MORC2: variants seen among roughly 807,000 people sequenced by gnomAD.
MORC2 encodes ATPase MORC2.
A neutral mutation model predicts 136.0 loss-of-function variants in MORC2; 30 were observed. That is an observed-to-expected ratio of 0.22 (90% CI 0.17 to 0.30). The LOEUF is 0.30. Ranked by LOEUF, MORC2 falls within the 10% of genes least tolerant of loss-of-function variation. The probability of loss-of-function intolerance (pLI) is 1.00; values close to 1 mark genes in which losing one functional copy is unlikely to be tolerated. For synonymous variants in MORC2, 439 were observed against 487.0 expected (o/e 0.90, Z 1.30); for missense variants, 922 against 1,333.1 (o/e 0.69, Z 4.80).
chr22:30,950,336 C>CGCT, intron 4 of MORC2, 41 bp downstream of exon 4: 1 of 764,014 alleles, frequency 1.3e-6, no homozygotes, highest in Non-Finnish European at 2.4e-6. Context: ...ATGGTTACAT[C>CGCT]GCACCCCCCC....
At chr22:30,936,908 C>A in intron 16 of MORC2, 24 bp downstream of exon 16, 1 of 1,596,246 alleles carries the variant, frequency 6.3e-7, no homozygotes, top group South Asian at 1.1e-5. Context: ...TACCCACAAT[C>A]CCCTTGTTAG....
At chr22:30,936,399 G>A in intron 17 of MORC2, 112 bp downstream of exon 17, 1 of 1,450,690 alleles carries the variant, frequency 6.9e-7, no homozygotes, top group Non-Finnish European at 9.3e-7. Context: ...AACAACGCGG[G>A]TGAGTGGAGG....
At chr22:30,958,563 G>A (rs1395039688) in intron 2 of MORC2, 78 bp downstream of exon 2, 2 of 1,170,574 alleles carry the variant, frequency 1.7e-6, no homozygotes, top group East Asian at 2.6e-5. Flanking sequence ...TTCCTCTCAA[G>A]TCTTCAGAGA....
chr22:30,937,045 G>T lies in MORC2; in HGVS notation c.1499-8C>A, dbSNP rs763292696. 1.2e-6 allele frequency: 2 copies of T among 1,606,064 alleles called. No individual in the cohort carries two copies. Among genetic ancestry groups the T allele is most frequent in the South Asian group, 2.2e-5 (2 of 90,810 alleles). On this transcript the variant is annotated splice_polypyrimidine_tract_variant and splice_region_variant and intron_variant, in intron 15 of 25. Coordinates refer to ENST00000397641, the MANE Select transcript of MORC2 (RefSeq NM_001303256.3). The surrounding 1 kb of genome is among the most constrained non-coding windows in gnomAD (Gnocchi z 4.7). ...TCCATTTCAGACACAAATCTGCAGAGAGCAAAAAAACCCCACATATCAGCC... is the reference window on the plus strand; with the variant it reads ...TCCATTTCAGACACAAATCTGCAGATAGCAAAAAAACCCCACATATCAGCC...
At chr22:30,931,673 C>T (rs2040577698) in intron 24 of MORC2, among the ~76,000 whole-genome samples, 1 of 152,224 alleles carries the variant, frequency 6.6e-6, no homozygotes, top group South Asian at 2.1e-4. Flanking sequence ...TGGCAAAATG[C>T]ACATTTTCTT....
intron 4 of MORC2, 39 bp from the exon 5 acceptor site, chr22:30,949,881 T>C (rs1415111617): frequency 1.6e-5 from 25 of 1,595,870 alleles, no homozygotes; most frequent in Non-Finnish European, 2.1e-5. Context: ...AAAGTTTGCA[T>C]TTCTTTCCCA....
chr22:30,937,006 G>A lies in MORC2; in HGVS notation c.1530C>T (p.Phe510=). ...AATCTTTTTCCACAGAACTCAGCTG[G>A]AAGGGGAGGGTTCTCCATTTCAGAC... ...DLCLKWRTLP[F]QLSSVEKDYP... is the part of the protein sequence containing the mutation. The change falls in exon 16 of 26, where the codon TTC becomes TTT. Residue 510 remains phenylalanine (F), a synonymous_variant. Coordinates refer to ENST00000397641, the MANE Select transcript of MORC2 (RefSeq NM_001303256.3). This position sits in a 1 kb window ranked among gnomAD's most constrained non-coding sequence, Gnocchi z 4.7. The A allele has an allele frequency of 6.2e-7, 1 of 1,614,092 alleles. No individual in the cohort carries two copies. Among genetic ancestry groups the A allele is most frequent in the South Asian group, 1.1e-5 (1 of 91,074 alleles).
chr22:30,953,826 T>C (rs2040926682), intron 3 of MORC2, among the ~76,000 whole-genome samples: 1 of 152,206 alleles, frequency 6.6e-6, no homozygotes, highest in Non-Finnish European at 1.5e-5. Context: ...CTCTACACTT[T>C]GAGAGGCTGG....
At chr22:30,935,367 T>C in intron 17 of MORC2, 45 bp from the exon 18 acceptor site, 6 of 1,579,858 alleles carry the variant, frequency 3.8e-6, no homozygotes, top group Non-Finnish European at 5.2e-6. Flanking sequence ...TATTTTAGTA[T>C]ACTTGAGCAA....
intron 3 of MORC2, among the ~76,000 whole-genome samples, chr22:30,956,405 C>A (rs1354965845): frequency 6.6e-6 from 1 of 152,238 alleles, no homozygotes; most frequent in African/African-American, 2.4e-5. Flanking sequence ...CCAACAAGAT[C>A]TCTCCTTGGC....
rs771231575 is a variant in MORC2, at chr22:30,939,972, G to T, written c.974C>A (p.Thr325Lys). The change falls in exon 11 of 26, where the codon ACG becomes AAG. Residue 325 changes from threonine (T) to lysine (K), a missense_variant. Thr to Lys is a moderately conservative substitution (Grantham distance 78, BLOSUM62 -1). This residue lies in a region of MORC2 where 261 missense variants were observed against 354.3 expected (regional missense o/e 0.74). Transcript: ENST00000397641. ...CCGGGACCTTACCCTGGAGTCCCGC[G>T]TGAGGTCTCCACCTAGGCGTACTTC... Reference protein sequence around the residue: ...TLEVRLGGDLTRDSRVMLRQV... With the variant: ...TLEVRLGGDLKRDSRVMLRQV... 1 of 1,613,874 alleles carries T rather than the reference G, an allele frequency of 6.2e-7. No individual in the cohort carries two copies. The highest frequency in any genetic ancestry group is 8.5e-7 in the Non-Finnish European group (1 of 1,180,000).
chr22:30,967,920 G>T lies in MORC2; in HGVS notation c.-31C>A, dbSNP rs762374457. ...CAATAAGGTCTCCAGCCCTTCACCC[G>T]CTAACTGGGAAATATAACCTTATAA... On this transcript the variant is annotated 5_prime_UTR_variant, in exon 1 of 26. Coordinates refer to ENST00000397641, the MANE Select transcript of MORC2 (RefSeq NM_001303256.3). 1.4e-6 allele frequency: 2 copies of T among 1,465,678 alleles called. No individual in the cohort carries two copies. The highest frequency in any genetic ancestry group is 1.4e-5 in the African/African-American group (1 of 71,166). 90.8% of individuals were successfully genotyped at this position (1,465,678 alleles called of 1,614,324 possible).
intron 1 of MORC2, among the ~76,000 whole-genome samples, chr22:30,966,180 C>T (rs2041125865): frequency 6.6e-6 from 1 of 152,202 alleles, no homozygotes; most frequent in Non-Finnish European, 1.5e-5. Context: ...GAAGCTGGAA[C>T]AAGAACTGAA....
In MORC2 at chr22:30,941,655, G is replaced by A; in HGVS notation, c.699-97C>T. 1 of 1,487,036 alleles carries A rather than the reference G, an allele frequency of 6.7e-7. No individual in the cohort carries two copies. The highest frequency in any genetic ancestry group is 9.1e-7 in the Non-Finnish European group (1 of 1,099,934). The allele number at this position is 1,487,036 out of a possible 1,614,324, so 92.1% of individuals were successfully genotyped here. Reference sequence around the variant, plus strand: ...CTCTGCAGGCTCTCCACCTTTCCATGTTAGGTACTGACTTCTGCTGCTGCC... The same window carrying A: ...CTCTGCAGGCTCTCCACCTTTCCATATTAGGTACTGACTTCTGCTGCTGCC... On this transcript the variant is annotated intron_variant, in intron 8 of 25. Transcript: ENST00000397641. The surrounding 1 kb of genome is among the most constrained non-coding windows in gnomAD (Gnocchi z 4.6).
At chr22:30,950,699 A>G (rs2040874847) in intron 3 of MORC2, among the ~76,000 whole-genome samples, 1 of 152,162 alleles carries the variant, frequency 6.6e-6, no homozygotes, top group Non-Finnish European at 1.5e-5. Context: ...CCAGCATCTA[A>G]TCATACCCAC....
intron 3 of MORC2, 100 bp downstream of exon 3, chr22:30,956,663 A>C: frequency 1.0e-6 from 1 of 986,694 alleles, no homozygotes; most frequent in Non-Finnish European, 1.5e-6. Context: ...CCATCTTCCC[A>C]GGCTCCCGAA....
At chr22:30,962,325 AG>A (rs1248348485) in intron 1 of MORC2, among the ~76,000 whole-genome samples, 1 of 152,088 alleles carries the variant, frequency 6.6e-6, no homozygotes, top group Non-Finnish European at 1.5e-5. Flanking sequence ...CACTTTGGGA[AG>A]CCCAGGCCAG....
chr22:30,967,519 G>A (rs1602521794), intron 1 of MORC2: 1 of 1,184,166 alleles, frequency 8.4e-7, no homozygotes, highest in Non-Finnish European at 1.1e-6. Flanking sequence ...CAATAGAGCA[G>A]TATTTGTTGG....
rs1346538285 is a variant in MORC2 at position 30,941,884 on chromosome 22, C to T, written c.698+7G>A. On this transcript the variant is annotated splice_region_variant and intron_variant, in intron 8 of 25. Coordinates refer to ENST00000397641, the MANE Select transcript of MORC2 (RefSeq NM_001303256.3). The surrounding 1 kb of genome is among the most constrained non-coding windows in gnomAD (Gnocchi z 4.6). The stretch of plus-strand genomic sequence containing the variant: ...CAGGGCCTCCCTCCCTTCCCAGCCA[C>T]ACTCACGTGCCCTCTGGGGACGTCT... 1.3e-6 allele frequency: 2 copies of T among 1,599,024 alleles called. No individual in the cohort carries two copies. The highest frequency in any genetic ancestry group is 1.1e-5 in the South Asian group (1 of 90,794).
Sources: allele counts gnomAD v4.1 joint callset (sites outside exome capture counted in the v4.1 genomes callset), GRCh38; gene constraint gnomAD v4.1.1; regional missense constraint gnomAD v4.1.1; non-coding constraint Gnocchi (gnomAD v3.1); transcripts MANE v1.5; gene names NCBI Gene and HGNC (gene_info 2026-07-23, HGNC 2026-07-21).